The following PRKX variants were observed in gnomAD, a reference collection of about 807,000 sequenced individuals.
PRKX encodes the protein protein kinase cAMP-dependent X-linked catalytic subunit, also known as cAMP-dependent protein kinase catalytic subunit PRKX.
PRKX carries 12 observed loss-of-function variants against 22.0 expected under a neutral mutation model. The ratio of observed to expected loss-of-function variants is 0.54; its 90% CI spans 0.35 to 0.88. The LOEUF is 0.88. PRKX is among the 40% of genes least tolerant of loss of function. PRKX has a pLI of 0.01. For synonymous variants in PRKX, 134 were observed against 137.7 expected, an observed-to-expected ratio of 0.97 and a Z score of 0.19; for missense variants, 217 against 308.0, an observed-to-expected ratio of 0.70 and a Z score of 2.21.
chrX:3,699,845 G>A (rs1439268821), intron 1 of PRKX, among the ~76,000 whole-genome samples: 1 of 112,211 alleles, frequency 8.9e-6, no homozygotes. Context: ...ACAAGCTCCC[G>A]GAACTCACAC....
chrX:3,621,171 G>T, intron 6 of PRKX, 88 bp downstream of exon 6: 3 of 799,063 alleles, frequency 3.8e-6, no homozygotes, highest in Admixed American at 2.7e-5. Context: ...GCTAAGCCTT[G>T]GTTTATACCT....
At chrX:3,656,610 G>A (rs1008784120) in intron 2 of PRKX, among the ~76,000 whole-genome samples, 2 of 110,982 alleles carry the variant, frequency 1.8e-5, no homozygotes, top group African/African-American at 3.3e-5. Flanking sequence ...TGACTCTACA[G>A]GTATAGACAG....
intron 2 of PRKX, among the ~76,000 whole-genome samples, chrX:3,658,570 G>T (rs748989725): frequency 5.4e-5 from 6 of 111,375 alleles, no homozygotes; most frequent in Non-Finnish European, 7.5e-5. Flanking sequence ...TTACAAACGT[G>T]AGCCACTGTA....
intron 6 of PRKX, 67 bp from the exon 7 acceptor site, chrX:3,615,959 C>T: frequency 1.1e-6 from 1 of 931,164 alleles, no homozygotes; most frequent in Non-Finnish European, 1.5e-6. Flanking sequence ...AAAAATACCC[C>T]AAAGAATCTC....
intron 1 of PRKX, among the ~76,000 whole-genome samples, chrX:3,684,194 G>C (rs1458259329): frequency 8.9e-6 from 1 of 111,781 alleles, no homozygotes; most frequent in African/African-American, 3.3e-5. Flanking sequence ...GGAGGTTACA[G>C]TGAGCCAAGA....
At chrX:3,627,909 A>G (rs1451891559) in intron 4 of PRKX, among the ~76,000 whole-genome samples, 2 of 111,617 alleles carry the variant, frequency 1.8e-5, no homozygotes, top group African/African-American at 6.5e-5. Flanking sequence ...TTCAAAGGAA[A>G]GGAAGTCATG....
chrX:3,644,400 C>CAAAAAAA (rs752467196), intron 3 of PRKX, among the ~76,000 whole-genome samples: 1 of 37,087 alleles, frequency 2.7e-5, no homozygotes, highest in Non-Finnish European at 4.4e-5. Flanking sequence ...GACACTGTCT[C>CAAAAAAA]AAAAAAAAAA....
intron 2 of PRKX, among the ~76,000 whole-genome samples, chrX:3,666,649 T>C (rs1179326692): frequency 4.5e-5 from 5 of 111,163 alleles, no homozygotes; most frequent in Non-Finnish European, 9.4e-5. Context: ...CATGTGCCTA[T>C]AGTCCCAGCT....
Position 3,617,571 on chromosome X carries a change from A to G in PRKX, c.874-1679T>C, listed in dbSNP as rs777584107. Among the ~76,000 whole-genome samples, 24 of 110,862 alleles carry G rather than the reference A, an allele frequency of 2.2e-4. No homozygotes were observed. In the East Asian group the frequency reaches 6.2e-3, roughly 29 times the overall value. On this transcript the variant is annotated intron_variant, in intron 6 of 8. Transcript: ENST00000262848. ...GGAGGTGGGAGGATCACTTGACGCC[A>G]GGAGGTCAAGGCTGCAGTGAGCTGT... is the stretch of plus-strand genomic sequence containing the variant.
At chrX:3,705,924 C>T (rs1190912749) in intron 1 of PRKX, among the ~76,000 whole-genome samples, 1 of 106,366 alleles carries the variant, frequency 9.4e-6, no homozygotes, top group Non-Finnish European at 1.9e-5. Context: ...TCTCCTGACA[C>T]TTCATGACCC....
intron 1 of PRKX, among the ~76,000 whole-genome samples, chrX:3,702,640 G>A (rs1413113307): frequency 9.7e-6 from 1 of 103,348 alleles, no homozygotes; most frequent in Non-Finnish European, 2.0e-5. Context: ...AAACAGGTAC[G>A]AGGGCATGGA....
chrX:3,622,227 T>G (rs185255209), intron 5 of PRKX, among the ~76,000 whole-genome samples: 22 of 111,027 alleles, frequency 2.0e-4, no homozygotes, highest in African/African-American at 6.5e-4. Context: ...GAGATGATGT[T>G]GAAGACTTCC....
At chrX:3,617,011 CATAG>C (rs1052113800) in intron 6 of PRKX, among the ~76,000 whole-genome samples, 114 of 111,145 alleles carry the variant, frequency 1.0e-3, no homozygotes, top group African/African-American at 3.4e-3. Flanking sequence ...TATATACACA[CATAG>C]ATTGATATAT....
At chrX:3,666,988 A>T (rs1252193579) in intron 2 of PRKX, among the ~76,000 whole-genome samples, 1 of 110,862 alleles carries the variant, frequency 9.0e-6, no homozygotes, top group South Asian at 3.8e-4. Context: ...AAAAAAATTA[A>T]ATTTTAAAGA....
At chrX:3,617,274 A>G (rs1285203250) in intron 6 of PRKX, among the ~76,000 whole-genome samples, 1 of 110,516 alleles carries the variant, frequency 9.0e-6, no homozygotes, top group East Asian at 2.8e-4. Context: ...TACACACTTT[A>G]TATGTAGAGT....
intron 2 of PRKX, among the ~76,000 whole-genome samples, chrX:3,664,481 T>A (rs1927678961): frequency 1.8e-5 from 2 of 112,177 alleles, no homozygotes; most frequent in African/African-American, 6.5e-5. Context: ...CAAGCGATCC[T>A]CCTGCCTGGG....
chrX:3,679,896 G>A (rs747305815), intron 1 of PRKX, among the ~76,000 whole-genome samples: 14 of 111,731 alleles, frequency 1.3e-4, no homozygotes, highest in African/African-American at 4.2e-4. Flanking sequence ...AGTGCCAGAC[G>A]AGGAAGGTGG....
At chrX:3,688,614 G>A (rs1455812153) in intron 1 of PRKX, among the ~76,000 whole-genome samples, 1 of 110,918 alleles carries the variant, frequency 9.0e-6, no homozygotes, top group African/African-American at 3.3e-5. Flanking sequence ...TGTAATCCCA[G>A]CACTTTAGAA....
intron 2 of PRKX, among the ~76,000 whole-genome samples, chrX:3,666,269 C>A (rs943182728): frequency 9.2e-6 from 1 of 108,450 alleles, no homozygotes; most frequent in Non-Finnish European, 1.9e-5. Flanking sequence ...GTTCTCCTGC[C>A]TCAGCCTCCC....
Sources: gnomAD v4.1 joint callset for allele counts (sites outside exome capture counted in the v4.1 genomes callset) on GRCh38, gnomAD v4.1.1 for gene constraint, MANE v1.5 for transcripts, NCBI Gene and HGNC (gene_info 2026-07-23, HGNC 2026-07-21) for gene names.